CCDC148: variants seen among roughly 807,000 people sequenced by gnomAD.
The protein encoded by CCDC148 is coiled-coil domain containing 148, also known as coiled-coil domain-containing protein 148.
Under a neutral mutation model 85.7 loss-of-function variants are expected in CCDC148, and 89 were observed. The observed-to-expected ratio is 1.04, with a 90% confidence interval of 0.87 to 1.24. The LOEUF is 1.24. Ranked by LOEUF, CCDC148 falls within the 50% of genes most tolerant of loss-of-function variation. The probability of loss-of-function intolerance (pLI) is 0.00; values close to 1 mark genes in which losing one functional copy is unlikely to be tolerated. For synonymous variants in CCDC148, 230 were observed against 213.9 expected (o/e 1.08, Z -0.66); for missense variants, 692 against 671.7 (o/e 1.03, Z -0.33).
At chr2:158,267,930 TC>T (rs1432303597) in intron 9 of CCDC148, among the ~76,000 whole-genome samples, 1 of 152,178 alleles carries the variant, frequency 6.6e-6, no homozygotes, top group East Asian at 1.9e-4. Flanking sequence ...AGTGGTTGAT[TC>T]CTCTGAATAC....
intron 9 of CCDC148, among the ~76,000 whole-genome samples, chr2:158,298,672 T>C (rs1287567530): frequency 6.6e-6 from 1 of 152,220 alleles, no homozygotes; most frequent in African/African-American, 2.4e-5. Flanking sequence ...AGATTCTTAA[T>C]TTAAGGTACT....
At chr2:158,261,198 G>A (rs1485129882) in intron 9 of CCDC148, among the ~76,000 whole-genome samples, 1 of 151,770 alleles carries the variant, frequency 6.6e-6, no homozygotes, top group Non-Finnish European at 1.5e-5. Context: ...AGAATAGAGA[G>A]CCCAGAAACA....
chr2:158,215,024 T>G (rs13383058), intron 11 of CCDC148, among the ~76,000 whole-genome samples: 4,161 of 152,230 alleles, frequency 0.027, 103 homozygotes, highest in African/African-American at 0.066. Flanking sequence ...TTCTACTAGA[T>G]AGCAAAACAG....
intron 9 of CCDC148, among the ~76,000 whole-genome samples, chr2:158,279,482 G>C (rs935435136): frequency 1.3e-5 from 2 of 152,218 alleles, no homozygotes; most frequent in African/African-American, 4.8e-5. Context: ...GAAGAATGCA[G>C]AAGCCTCAGG....
intron 1 of CCDC148, among the ~76,000 whole-genome samples, chr2:158,435,954 C>T (rs1341560479): frequency 6.6e-6 from 1 of 152,176 alleles, no homozygotes; most frequent in Admixed American, 6.5e-5. Flanking sequence ...GCACCCAATA[C>T]AGGAGCACCC....
chr2:158,216,621 T>C (rs1188288720), intron 11 of CCDC148, among the ~76,000 whole-genome samples: 1 of 152,062 alleles, frequency 6.6e-6, no homozygotes, highest in Non-Finnish European at 1.5e-5. Context: ...TGGGCCATCA[T>C]GACAAAATAT....
intron 1 of CCDC148, among the ~76,000 whole-genome samples, chr2:158,413,210 A>T (rs1057096985): frequency 2.6e-5 from 4 of 152,170 alleles, no homozygotes; most frequent in Admixed American, 2.0e-4. Flanking sequence ...TGTTAAAAGA[A>T]GCAGCAGGTG....
At chr2:158,185,730 C>A (rs1685122871) in intron 11 of CCDC148, among the ~76,000 whole-genome samples, 1 of 152,102 alleles carries the variant, frequency 6.6e-6, no homozygotes. Flanking sequence ...CTTATTTATT[C>A]TTCTTTTTCT....
At chr2:158,206,186 C>T (rs143310036) in intron 11 of CCDC148, among the ~76,000 whole-genome samples, 122 of 152,236 alleles carry the variant, frequency 8.0e-4, no homozygotes, top group African/African-American at 2.7e-3. Context: ...CCTTAAGATA[C>T]CAGGTAACAA....
chr2:158,275,859 C>T (rs2177081), intron 9 of CCDC148, among the ~76,000 whole-genome samples: 1 of 152,022 alleles, frequency 6.6e-6, no homozygotes, highest in Admixed American at 6.6e-5. Context: ...CAGACAGACT[C>T]TTCTATGCAC....
chr2:158,411,520 TTC>T (rs1275928538), intron 1 of CCDC148, among the ~76,000 whole-genome samples: 2 of 152,090 alleles, frequency 1.3e-5, no homozygotes, highest in African/African-American at 2.4e-5. Context: ...GTTCTAGAAT[TTC>T]TGTTTTGTTC....
At chr2:158,433,174 T>A (rs1687451460) in intron 1 of CCDC148, among the ~76,000 whole-genome samples, 1 of 142,464 alleles carries the variant, frequency 7.0e-6, no homozygotes, top group African/African-American at 2.6e-5. Flanking sequence ...GCAGGAGGAT[T>A]GTTCAGGCCT....
intron 10 of CCDC148, among the ~76,000 whole-genome samples, chr2:158,222,666 C>T (rs1389217528): frequency 1.3e-5 from 2 of 152,126 alleles, no homozygotes; most frequent in South Asian, 2.1e-4. Context: ...ATAGCTGGGG[C>T]ATTTTCCTCA....
intron 7 of CCDC148, among the ~76,000 whole-genome samples, chr2:158,333,609 C>T (rs186596440): frequency 2.6e-5 from 4 of 152,244 alleles, no homozygotes; most frequent in Admixed American, 2.0e-4. Flanking sequence ...CTAATATTGA[C>T]AGTGGGGTGT....
chr2:158,351,819 T>A (rs1311559802), intron 2 of CCDC148, among the ~76,000 whole-genome samples: 40 of 143,876 alleles, frequency 2.8e-4, no homozygotes, highest in African/African-American at 7.5e-4. Context: ...CAGACTTAAA[T>A]GTCCCTGTCT....
At chr2:158,240,012 T>A (rs1458924055) in intron 10 of CCDC148, among the ~76,000 whole-genome samples, 5 of 152,098 alleles carry the variant, frequency 3.3e-5, no homozygotes, top group Non-Finnish European at 7.4e-5. Context: ...AGTTATTAAT[T>A]GAAAGAATCA....
chr2:158,262,992 T>G (rs16842836), intron 9 of CCDC148, among the ~76,000 whole-genome samples: 2,157 of 152,202 alleles, frequency 0.014, 50 homozygotes, highest in African/African-American at 0.049. Flanking sequence ...TTACGTGATT[T>G]CAATAGGAAA....
At chr2:158,255,363 T>G (rs1688969888) in intron 9 of CCDC148, among the ~76,000 whole-genome samples, 1 of 151,626 alleles carries the variant, frequency 6.6e-6, no homozygotes, top group East Asian at 1.9e-4. Context: ...ATCTTGATAA[T>G]GAGAAACAGG....
At chr2:158,282,662 A>G (rs1384694206) in intron 9 of CCDC148, among the ~76,000 whole-genome samples, 1 of 152,248 alleles carries the variant, frequency 6.6e-6, no homozygotes, top group Admixed American at 6.5e-5. Context: ...TTCCATGCTC[A>G]TGGGTAGGAA....
Sources: gnomAD v4.1 joint callset for allele counts (sites outside exome capture counted in the v4.1 genomes callset) on GRCh38, gnomAD v4.1.1 for gene constraint, MANE v1.5 for transcripts, NCBI Gene and HGNC (gene_info 2026-07-23, HGNC 2026-07-21) for gene names.